The following KCNJ2 variants were observed in gnomAD, a reference collection of about 807,000 sequenced individuals.
KCNJ2 encodes potassium inwardly rectifying channel subfamily J member 2, also known as inward rectifier potassium channel 2.
Under a neutral mutation model 28.4 loss-of-function variants are expected in KCNJ2, and 12 were observed. The observed-to-expected ratio is 0.42, with a 90% confidence interval of 0.27 to 0.68. The LOEUF (loss-of-function observed/expected upper bound fraction) is 0.68, where lower values mean the gene tolerates loss of function less well. Ranked by LOEUF, KCNJ2 falls within the 30% of genes least tolerant of loss-of-function variation. The pLI, the probability that KCNJ2 is intolerant of heterozygous loss-of-function variation, is 0.23. For missense variants in KCNJ2, 320 were observed against 551.3 expected, an observed-to-expected ratio of 0.58 and a Z score of 4.20; for synonymous variants, 200 against 203.2, an observed-to-expected ratio of 0.98 and a Z score of 0.13.
At position 70,176,002 on chromosome 17, in the gene KCNJ2, G is replaced by A; in HGVS notation, c.963G>A (p.Leu321=). The change falls in exon 2 of 2, where the codon CTG becomes CTA. Residue 321 remains leucine, a synonymous_variant. Coordinates refer to ENST00000243457, the MANE Select transcript of KCNJ2 (RefSeq NM_000891.3). Reference sequence around the variant, plus strand: ...GCTCTTATCTAGCAAATGAAATCCTGTGGGGCCACCGCTATGAGCCTGTGC... The same window carrying A: ...GCTCTTATCTAGCAAATGAAATCCTATGGGGCCACCGCTATGAGCCTGTGC... ...CRSSYLANEI[L]WGHRYEPVLF... is the part of the protein sequence containing the mutation. 6.2e-7 allele frequency: 1 copy of A among 1,614,098 alleles called. No individual in the cohort carries two copies. Among genetic ancestry groups the A allele is most frequent in the Non-Finnish European group, 8.5e-7 (1 of 1,180,014 alleles).
Position 70,178,930 on chromosome 17 carries a change from G to T in KCNJ2, c.*2607G>T, listed in dbSNP as rs2074410984. On this transcript the variant is annotated 3_prime_UTR_variant, in exon 2 of 2. Transcript: ENST00000243457. ...TACCTATATGCTACCGGTTAGCATG[G>T]TTTTAGCAAATATATACCAGCCTTA... is the stretch of plus-strand genomic sequence containing the variant. 6.0e-6 allele frequency: 1 copy of T among 166,872 alleles called. No individual in the cohort carries two copies. The highest frequency in any genetic ancestry group is 2.4e-5 in the African/African-American group (1 of 41,392). The allele number at this position is 166,872 out of a possible 1,614,324, so 10.3% of individuals were successfully genotyped here.
At position 70,179,287 on chromosome 17, in the gene KCNJ2, C is replaced by A. The variant is rs2074414356; in HGVS notation, c.*2964C>A. The A allele has an allele frequency of 6.0e-6, 1 of 166,468 alleles. No individual in the cohort carries two copies. The allele number at this position is 166,468 out of a possible 1,614,324, so 10.3% of individuals were successfully genotyped here. The stretch of plus-strand genomic sequence containing the variant: ...GTTGCTTCTCTATTGCAAGCAGATT[C>A]CCTGTTGGATTTACTTCGGATTTAT... On this transcript the variant is annotated 3_prime_UTR_variant, in exon 2 of 2. Coordinates refer to ENST00000243457, the MANE Select transcript of KCNJ2 (RefSeq NM_000891.3).
At chr17:70,174,487 G>A (rs1021666914) in intron 1 of KCNJ2, among the ~76,000 whole-genome samples, 13 of 152,150 alleles carry the variant, frequency 8.5e-5, no homozygotes, top group Admixed American at 4.6e-4. Flanking sequence ...CTAGCAAGTG[G>A]GGCAGGCAGA....
chr17:70,170,216 G>C (rs944333438), intron 1 of KCNJ2, among the ~76,000 whole-genome samples: 1 of 151,684 alleles, frequency 6.6e-6, no homozygotes, highest in African/African-American at 2.4e-5. Context: ...TTCAAACAGA[G>C]TGAGTGTCTC....
In KCNJ2 at chr17:70,177,302, ACGT is replaced by A. The variant is rs1371102400; in HGVS notation, c.*981_*983del. Reference sequence around the variant, plus strand: ...AAAGGGGCACACACACACAATACCGACGTCTATCCTTTCCTGCTAGGCAGTGCT... The same window carrying A: ...AAAGGGGCACACACACACAATACCGACTATCCTTTCCTGCTAGGCAGTGCT... On this transcript the variant is annotated 3_prime_UTR_variant, in exon 2 of 2. Coordinates refer to ENST00000243457, the MANE Select transcript of KCNJ2 (RefSeq NM_000891.3). 7 of 166,984 alleles carry A rather than the reference ACGT, an allele frequency of 4.2e-5. No individual in the cohort carries two copies. The highest frequency in any genetic ancestry group is 1.7e-4 in the African/African-American group (7 of 41,398). The allele number at this position is 166,984 out of a possible 1,614,324, so 10.3% of individuals were successfully genotyped here.
chr17:70,178,442 A>G lies in KCNJ2; in HGVS notation c.*2119A>G, dbSNP rs1417823397. 1.8e-5 allele frequency: 3 copies of G among 167,110 alleles called. No homozygotes were observed. Among genetic ancestry groups the G allele is most frequent in the Non-Finnish European group, 4.4e-5 (3 of 68,126 alleles). The allele number at this position is 167,110 out of a possible 1,614,324, so 10.4% of individuals were successfully genotyped here. ...GTAAAGAAAACTTACAGAAGAGGCA[A>G]CAATTTGGTTCTTGACAGTGAGAGG... On this transcript the variant is annotated 3_prime_UTR_variant, in exon 2 of 2. Coordinates refer to ENST00000243457, the MANE Select transcript of KCNJ2 (RefSeq NM_000891.3).
rs9906926 is a variant in KCNJ2, at chr17:70,169,740, C to T, written c.-217+39C>T. 0.061 allele frequency: 9,404 copies of T among 153,612 alleles called. 982 individuals carry two copies. Among genetic ancestry groups the T allele is most frequent in the African/African-American group, 0.21 (8,892 of 41,520 alleles). The allele number at this position is 153,612 out of a possible 1,614,324, so 9.5% of individuals were successfully genotyped here. A position where few individuals can be genotyped will look rare whatever the true frequency, so the allele number is the denominator to read the frequency against. ...TGTTTTCTTCCTTTTCGCTCGCTGC[C>T]GGTGTGTCCTGGGGAATGGACTCTG... is the stretch of plus-strand genomic sequence containing the variant. On this transcript the variant is annotated intron_variant, in intron 1 of 1. Transcript: ENST00000243457.
chr17:70,178,992 T>G lies in KCNJ2; in HGVS notation c.*2669T>G, dbSNP rs1567824012. 6.0e-6 allele frequency: 1 copy of G among 166,680 alleles called. No homozygotes were observed. The highest frequency in any genetic ancestry group is 1.5e-5 in the Non-Finnish European group (1 of 68,028). The allele number at this position is 166,680 out of a possible 1,614,324, so 10.3% of individuals were successfully genotyped here. A position where few individuals can be genotyped will look rare whatever the true frequency, so the allele number is the denominator to read the frequency against. ...TTGCTATGTTCTTCTGTTATTTATT[T>G]CAGCATGGACTGTTCATTTGAAACC... On this transcript the variant is annotated 3_prime_UTR_variant, in exon 2 of 2. Transcript: ENST00000243457.
Position 70,179,908 on chromosome 17 carries a change from T to C in KCNJ2, c.*3585T>C, listed in dbSNP as rs2074417910. 6.0e-6 allele frequency: 1 copy of C among 167,078 alleles called. No individual in the cohort carries two copies. Among genetic ancestry groups the C allele is most frequent in the Non-Finnish European group, 1.5e-5 (1 of 68,118 alleles). 10.3% of individuals were successfully genotyped at this position (167,078 alleles called of 1,614,324 possible). A position where few individuals can be genotyped will look rare whatever the true frequency, so the allele number is the denominator to read the frequency against. On this transcript the variant is annotated 3_prime_UTR_variant, in exon 2 of 2. Transcript: ENST00000243457. The stretch of plus-strand genomic sequence containing the variant: ...CAATCCTAGCCATTGACAATCGTGA[T>C]AGTTATTATTTTCCCATTTGCTGTC...
intron 1 of KCNJ2, among the ~76,000 whole-genome samples, chr17:70,174,353 T>A (rs2074379969): frequency 1.3e-5 from 2 of 152,258 alleles, no homozygotes; most frequent in Non-Finnish European, 2.9e-5. Flanking sequence ...TCTCCCGTAA[T>A]GCACATGCAA....
In KCNJ2 at chr17:70,175,803, A is replaced by G; in HGVS notation, c.764A>G (p.Asp255Gly). The change falls in exon 2 of 2, where the codon GAC (aspartate) becomes GGC (glycine). Residue 255 changes from aspartate to glycine, a missense_variant. By Grantham distance (94) the Asp-to-Gly change is moderately conservative. Coordinates refer to ENST00000243457, the MANE Select transcript of KCNJ2 (RefSeq NM_000891.3). The surrounding 1 kb of genome is among the most constrained non-coding windows in gnomAD (Gnocchi z 8.3). ...LDQIDINVGF[D>G]SGIDRIFLVS... is the part of the protein sequence containing the mutation. ...CAAATAGACATCAATGTTGGGTTTG[A>G]CAGTGGAATCGATCGTATATTTCTG... 1.9e-6 allele frequency: 3 copies of G among 1,614,198 alleles called. No homozygotes were observed. Among genetic ancestry groups the G allele is most frequent in the Non-Finnish European group, 2.5e-6 (3 of 1,180,018 alleles).
At position 70,176,119 on chromosome 17, in the gene KCNJ2, C is replaced by T. The variant is rs66476803; in HGVS notation, c.1080C>T (p.Asp360=). Residue 360 remains aspartate (D), a synonymous_variant, in exon 2 of 2, where the codon GAC becomes GAT. Coordinates refer to ENST00000243457, the MANE Select transcript of KCNJ2 (RefSeq NM_000891.3). The part of the protein sequence containing the change: ...VPNTPLCSAR[D]LAEKKYILSN... ...ACACTCCCCTTTGTAGTGCCAGAGACTTAGCAGAAAAGAAATATATCCTCT... is the reference window on the plus strand; with the variant it reads ...ACACTCCCCTTTGTAGTGCCAGAGATTTAGCAGAAAAGAAATATATCCTCT... The T allele has an allele frequency of 1.0e-4, 166 of 1,613,878 alleles. No individual in the cohort carries two copies. The highest frequency in any genetic ancestry group is 1.4e-4 in the Non-Finnish European group (163 of 1,180,006).
At position 70,174,912 on chromosome 17, in the gene KCNJ2, C is replaced by A. The variant is rs1356093350; in HGVS notation, c.-128C>A. 1 of 877,488 alleles carries A rather than the reference C, an allele frequency of 1.1e-6. No homozygotes were observed. Among genetic ancestry groups the A allele is most frequent in the Non-Finnish European group, 1.8e-6 (1 of 541,380 alleles). 54.4% of individuals were successfully genotyped at this position (877,488 alleles called of 1,614,324 possible). ...GGTAGAACCACAAGGCTCCCAGAGACACCCATCTCTCCTCATTTTTTTGGT... is the reference window on the plus strand; with the variant it reads ...GGTAGAACCACAAGGCTCCCAGAGAAACCCATCTCTCCTCATTTTTTTGGT... On this transcript the variant is annotated 5_prime_UTR_variant, in exon 2 of 2. Coordinates refer to ENST00000243457, the MANE Select transcript of KCNJ2 (RefSeq NM_000891.3).
intron 1 of KCNJ2, among the ~76,000 whole-genome samples, chr17:70,170,777 C>T (rs897688738): frequency 1.3e-5 from 2 of 152,100 alleles, no homozygotes; most frequent in African/African-American, 4.8e-5. Context: ...TTTCTATTTG[C>T]CATTATCTGG....
chr17:70,173,155 A>G (rs573464485), intron 1 of KCNJ2, among the ~76,000 whole-genome samples: 1 of 152,364 alleles, frequency 6.6e-6, no homozygotes, highest in African/African-American at 2.4e-5. Flanking sequence ...ATTCTTGCAT[A>G]ATAACTTGGA....
intron 1 of KCNJ2, among the ~76,000 whole-genome samples, chr17:70,173,295 G>A (rs1162492173): frequency 2.0e-5 from 3 of 152,130 alleles, no homozygotes; most frequent in African/African-American, 4.8e-5. Context: ...GGCTGATATC[G>A]GTTCTATTAA....
In KCNJ2 at chr17:70,175,315, C is replaced by T. The variant is rs556248547; in HGVS notation, c.276C>T (p.Phe92=). The T allele has an allele frequency of 7.4e-6, 12 of 1,614,208 alleles. No homozygotes were observed. The highest frequency in any genetic ancestry group is 6.7e-5 in the East Asian group (3 of 44,878). The change falls in exon 2 of 2, where the codon TTC becomes TTT. Residue 92 remains phenylalanine (F), a synonymous_variant. Transcript: ENST00000243457. The surrounding 1 kb of genome is among the most constrained non-coding windows in gnomAD (Gnocchi z 8.3). The part of the protein sequence containing the change: ...RWMLVIFCLA[F]VLSWLFFGCV... ...TGCTGGTTATCTTCTGCCTGGCTTT[C>T]GTCCTGTCATGGCTGTTTTTTGGCT... is the stretch of plus-strand genomic sequence containing the variant.
At position 70,175,153 on chromosome 17, in the gene KCNJ2, C is replaced by T; in HGVS notation, c.114C>T (p.His38=). Residue 38 remains histidine (H), a synonymous_variant, in exon 2 of 2, where the codon CAC becomes CAT. Transcript: ENST00000243457. This position sits in a 1 kb window ranked among gnomAD's most constrained non-coding sequence, Gnocchi z 8.3. ...TTGGGAACGGGAAGAGTAAAGTCCA[C>T]ACCCGACAACAGTGCAGGAGCCGCT... is the stretch of plus-strand genomic sequence containing the variant. ...NGFGNGKSKV[H]TRQQCRSRFV... 1.2e-6 allele frequency: 2 copies of T among 1,614,180 alleles called. No homozygotes were observed. Among genetic ancestry groups the T allele is most frequent in the African/African-American group, 1.3e-5 (1 of 75,030 alleles).
intron 1 of KCNJ2, among the ~76,000 whole-genome samples, chr17:70,171,784 T>C (rs1306576638): frequency 6.6e-6 from 1 of 152,196 alleles, no homozygotes; most frequent in African/African-American, 2.4e-5. Context: ...AAAAATACTT[T>C]CTACATCATG....
Sources: allele counts gnomAD v4.1 joint callset (sites outside exome capture counted in the v4.1 genomes callset), GRCh38; gene constraint gnomAD v4.1.1; non-coding constraint Gnocchi (gnomAD v3.1); transcripts MANE v1.5; gene names NCBI Gene and HGNC (gene_info 2026-07-23, HGNC 2026-07-21).